GRIK4: variants seen among roughly 807,000 people sequenced by gnomAD.
The protein encoded by GRIK4 is glutamate ionotropic receptor kainate type subunit 4.
In GRIK4, 40 loss-of-function variants were observed where a neutral mutation model predicts 104.9. The observed-to-expected ratio is 0.38, with a 90% CI of 0.30 to 0.50. The LOEUF (loss-of-function observed/expected upper bound fraction) is 0.50. GRIK4 is among the 20% of genes least tolerant of loss of function. The pLI, the probability that GRIK4 is intolerant of heterozygous loss-of-function variation, is 0.93. For missense variants in GRIK4, 1,047 were observed against 1,308.1 expected, an observed-to-expected ratio of 0.80 and a Z score of 3.08; for synonymous variants, 485 against 524.9, an observed-to-expected ratio of 0.92 and a Z score of 1.04.
At chr11:120,767,829 G>C (rs1951866240) in intron 3 of GRIK4, among the ~76,000 whole-genome samples, 1 of 151,986 alleles carries the variant, frequency 6.6e-6, no homozygotes, top group Non-Finnish European at 1.5e-5. Flanking sequence ...TGTCCTCTTG[G>C]TGCCCTTGTC....
At chr11:120,807,499 C>T (rs906174597) in intron 4 of GRIK4, among the ~76,000 whole-genome samples, 1 of 152,154 alleles carries the variant, frequency 6.6e-6, no homozygotes, top group South Asian at 2.1e-4. Context: ...GTGCCCGGCG[C>T]GTAGCGTTCC....
chr11:120,574,853 CTG>C lies in GRIK4; in HGVS notation c.-159+62968_-159+62969del, dbSNP rs1948457866. Among the ~76,000 whole-genome samples the C allele has an allele frequency of 2.0e-5, 3 of 152,262 alleles. No homozygotes were observed. In the South Asian group the frequency reaches 6.2e-4, roughly 32 times the overall value. ...AGAGGTGTCCCAGACCCAGGCATCT[CTG>C]TTTAATAAGAATTCATTGAGCACCT... On this transcript the variant is annotated intron_variant, in intron 1 of 20. Coordinates refer to ENST00000527524, the MANE Select transcript of GRIK4 (RefSeq NM_014619.5).
At chr11:120,803,584 T>C (rs1952662274) in intron 4 of GRIK4, among the ~76,000 whole-genome samples, 1 of 151,964 alleles carries the variant, frequency 6.6e-6, no homozygotes, top group South Asian at 2.1e-4. Context: ...ATTACAGGGG[T>C]GTGCCACCAT....
intron 3 of GRIK4, among the ~76,000 whole-genome samples, chr11:120,711,506 T>A (rs553669293): frequency 5.3e-5 from 8 of 152,276 alleles, no homozygotes; most frequent in Non-Finnish European, 1.2e-4. Context: ...GTCATGCTTC[T>A]CTTCAAGGGG....
At chr11:120,848,381 G>T (rs1260089069) in intron 8 of GRIK4, among the ~76,000 whole-genome samples, 2 of 152,172 alleles carry the variant, frequency 1.3e-5, no homozygotes, top group Non-Finnish European at 2.9e-5. Context: ...AGTACCTAGC[G>T]CAGGCTCTGG....
intron 3 of GRIK4, among the ~76,000 whole-genome samples, chr11:120,772,161 C>T (rs1951956743): frequency 6.6e-6 from 1 of 152,174 alleles, no homozygotes; most frequent in African/African-American, 2.4e-5. Flanking sequence ...GGTCTAGCGG[C>T]CAGAGCCTTG....
At chr11:120,928,988 TGC>T (rs1555096436) in intron 13 of GRIK4, among the ~76,000 whole-genome samples, 5 of 118,470 alleles carry the variant, frequency 4.2e-5, no homozygotes, top group East Asian at 3.1e-4. Flanking sequence ...TGTGTGTGTG[TGC>T]GCGCGTGCAC....
intron 11 of GRIK4, among the ~76,000 whole-genome samples, chr11:120,883,539 G>T (rs1335968879): frequency 6.6e-6 from 1 of 152,218 alleles, no homozygotes; most frequent in African/African-American, 2.4e-5. Flanking sequence ...AGGGGCAGAT[G>T]AGCTGGCTTT....
chr11:120,652,384 C>T (rs964165625), intron 1 of GRIK4, among the ~76,000 whole-genome samples: 15 of 152,156 alleles, frequency 9.9e-5, no homozygotes, highest in Non-Finnish European at 2.9e-5. Context: ...CTGGCATCTC[C>T]CCATTTGTTG....
intron 1 of GRIK4, among the ~76,000 whole-genome samples, chr11:120,519,027 C>T (rs116422621): frequency 0.01 from 1,551 of 152,258 alleles, 25 homozygotes; most frequent in African/African-American, 0.035. Flanking sequence ...CAAACAAAAT[C>T]GGTCTAGAAC....
chr11:120,585,106 A>T (rs1419419070), intron 1 of GRIK4, among the ~76,000 whole-genome samples: 1 of 152,078 alleles, frequency 6.6e-6, no homozygotes, highest in East Asian at 1.9e-4. Context: ...CCTCCTCTTT[A>T]ATTTTTTGGA....
intron 3 of GRIK4, among the ~76,000 whole-genome samples, chr11:120,753,325 G>GTA (rs1387961568): frequency 2.0e-4 from 30 of 149,170 alleles, no homozygotes; most frequent in African/African-American, 7.4e-4. Context: ...GTGTGTGTGT[G>GTA]TGTGTGTGTG....
chr11:120,656,941 A>G (rs181627402), intron 2 of GRIK4, among the ~76,000 whole-genome samples: 15 of 152,346 alleles, frequency 9.8e-5, no homozygotes, highest in South Asian at 6.2e-4. Flanking sequence ...AACTGCGTGT[A>G]GTTCTGTCAT....
At chr11:120,762,238 T>C (rs189983421) in intron 3 of GRIK4, among the ~76,000 whole-genome samples, 25 of 152,324 alleles carry the variant, frequency 1.6e-4, no homozygotes, top group Non-Finnish European at 2.8e-4. Flanking sequence ...TTTGGCTCTC[T>C]GTTTGTCTAT....
At chr11:120,893,750 T>C (rs1942485888) in intron 11 of GRIK4, among the ~76,000 whole-genome samples, 1 of 152,256 alleles carries the variant, frequency 6.6e-6, no homozygotes, top group African/African-American at 2.4e-5. Flanking sequence ...CGGGTGTGTT[T>C]ACACCACAGA....
At chr11:120,741,223 A>C (rs1951325296) in intron 3 of GRIK4, among the ~76,000 whole-genome samples, 1 of 152,052 alleles carries the variant, frequency 6.6e-6, no homozygotes, top group African/African-American at 2.4e-5. Flanking sequence ...GAAGTTAAGA[A>C]ACTGGCCTCA....
At position 120,952,956 on chromosome 11, in the gene GRIK4, G is replaced by T. The variant is rs767382733; in HGVS notation, c.1692G>T (p.Leu564=). The T allele has an allele frequency of 6.2e-7, 1 of 1,606,738 alleles. No individual in the cohort carries two copies. The highest frequency in any genetic ancestry group is 8.5e-7 in the Non-Finnish European group (1 of 1,173,566). ...AYLAVSCVLF[L]VARLTPYEWY... Reference sequence around the variant, plus strand: ...TGGCCGTCAGCTGTGTCCTCTTCCTGGTGGCTCGGTACTCTCCTCTTCCCT... The same window carrying T: ...TGGCCGTCAGCTGTGTCCTCTTCCTTGTGGCTCGGTACTCTCCTCTTCCCT... Residue 564 remains leucine (L), a synonymous_variant, in exon 15 of 21, where the codon CTG becomes CTT. Coordinates refer to ENST00000527524, the MANE Select transcript of GRIK4 (RefSeq NM_014619.5). This position sits in a 1 kb window ranked among gnomAD's most constrained non-coding sequence, Gnocchi z 5.2.
intron 3 of GRIK4, among the ~76,000 whole-genome samples, chr11:120,670,265 C>A (rs1475145256): frequency 2.0e-5 from 3 of 148,146 alleles, no homozygotes; most frequent in Non-Finnish European, 3.0e-5. Context: ...CTCTTTCTTG[C>A]CCCTCACTTT....
intron 9 of GRIK4, among the ~76,000 whole-genome samples, chr11:120,866,567 C>G (rs145157790): frequency 1.8e-3 from 268 of 152,294 alleles, no homozygotes; most frequent in African/African-American, 6.2e-3. Context: ...ATCTTATGCT[C>G]CCCAAGAATG....
Sources: allele counts gnomAD v4.1 joint callset (sites outside exome capture counted in the v4.1 genomes callset), GRCh38; gene constraint gnomAD v4.1.1; non-coding constraint Gnocchi (gnomAD v3.1); transcripts MANE v1.5; gene names NCBI Gene and HGNC (gene_info 2026-07-23, HGNC 2026-07-21).